The following CSMD1 variants were observed in gnomAD, a reference collection of about 807,000 sequenced individuals.
The protein encoded by CSMD1 is CUB and Sushi multiple domains 1.
In CSMD1, 213 loss-of-function variants were observed where a neutral mutation model predicts 417.5. That is an observed-to-expected ratio of 0.51 (90% CI 0.46 to 0.57). The LOEUF (loss-of-function observed/expected upper bound fraction) is 0.57, where lower values mean the gene tolerates loss of function less well. Among genes scored for constraint, CSMD1 ranks in the 20% least tolerant of loss-of-function variants. The probability of loss-of-function intolerance (pLI) is 0.00; values close to 1 mark genes in which losing one functional copy is unlikely to be tolerated. For synonymous variants in CSMD1, 2,862 were observed against 1,736.8 expected (o/e 1.65, Z -16.11); for missense variants, 6,923 against 4,529.7 (o/e 1.53, Z -15.17).
chr8:3,924,929 T>C (rs1214659787), intron 5 of CSMD1, among the ~76,000 whole-genome samples: 1 of 152,208 alleles, frequency 6.6e-6, no homozygotes, highest in African/African-American at 2.4e-5. Flanking sequence ...TCCTTTATTT[T>C]TTTCTCTCTT....
chr8:4,269,179 T>C (rs7838666), intron 3 of CSMD1, among the ~76,000 whole-genome samples: 98,702 of 151,954 alleles, frequency 0.65, 32,074 homozygotes, highest in South Asian at 0.74. Context: ...GCCTCAGCCC[T>C]CCTAGTAGCT....
chr8:3,392,912 TA>T (rs1563341151), intron 17 of CSMD1, among the ~76,000 whole-genome samples: 1 of 152,066 alleles, frequency 6.6e-6, no homozygotes, highest in East Asian at 1.9e-4. Context: ...GGTTTTATTT[TA>T]AACCCCGCAG....
chr8:4,073,817 T>C (rs1799683825), intron 3 of CSMD1, among the ~76,000 whole-genome samples: 2 of 152,054 alleles, frequency 1.3e-5, no homozygotes, highest in African/African-American at 4.8e-5. Context: ...TATTAATTGG[T>C]TGAAAATTGC....
intron 5 of CSMD1, among the ~76,000 whole-genome samples, chr8:3,995,175 A>G (rs1815106812): frequency 6.6e-6 from 1 of 152,206 alleles, no homozygotes; most frequent in African/African-American, 2.4e-5. Context: ...ATAGGCCTTA[A>G]AAGGGTACTT....
At chr8:4,280,414 A>T (rs954005043) in intron 3 of CSMD1, among the ~76,000 whole-genome samples, 12 of 152,236 alleles carry the variant, frequency 7.9e-5, no homozygotes, top group African/African-American at 2.7e-4. Context: ...TGACAATTAA[A>T]TTTTAGTACC....
intron 5 of CSMD1, among the ~76,000 whole-genome samples, chr8:3,931,777 G>C (rs1297073657): frequency 1.3e-5 from 2 of 148,388 alleles, no homozygotes; most frequent in South Asian, 2.2e-4. Flanking sequence ...GAGCACCTAA[G>C]ACCCCACTAA....
chr8:3,026,314 G>A (rs1455180225), intron 51 of CSMD1, among the ~76,000 whole-genome samples: 3 of 152,214 alleles, frequency 2.0e-5, no homozygotes, highest in Non-Finnish European at 4.4e-5. Context: ...GGTTTGGGAA[G>A]CTGATCTGAA....
At chr8:4,792,319 T>A (rs955175342) in intron 1 of CSMD1, among the ~76,000 whole-genome samples, 1 of 152,192 alleles carries the variant, frequency 6.6e-6, no homozygotes, top group Non-Finnish European at 1.5e-5. Flanking sequence ...GTTCTAAAAT[T>A]CTTAAAGTAG....
chr8:4,191,742 T>TG (rs1200675023), intron 3 of CSMD1, among the ~76,000 whole-genome samples: 4 of 43,494 alleles, frequency 9.2e-5, no homozygotes, highest in Non-Finnish European at 1.4e-4. Context: ...GGAAGGTCAT[T>TG]CCAAAAAAAA....
At chr8:3,926,104 C>CTCACCAT (rs1164083558) in intron 5 of CSMD1, among the ~76,000 whole-genome samples, 1 of 41,648 alleles carries the variant, frequency 2.4e-5, no homozygotes. Flanking sequence ...CACACACACA[C>CTCACCAT]ACACACACAC....
At chr8:4,372,737 G>A (rs372485561) in intron 3 of CSMD1, among the ~76,000 whole-genome samples, 4 of 127,164 alleles carry the variant, frequency 3.1e-5, no homozygotes, top group African/African-American at 1.4e-4. Context: ...CTAGAAAATG[G>A]AGGCAAAAGA....
In CSMD1 at chr8:4,724,562, G is replaced by T. The variant is rs113395724; in HGVS notation, c.86-87004C>A. Among the ~76,000 whole-genome samples, 137 of 142,036 alleles carry T rather than the reference G, an allele frequency of 9.6e-4. 1 individual carries two copies. Among genetic ancestry groups the T allele is most frequent in the African/African-American group, 3.6e-3 (130 of 36,402 alleles). The allele number at this position is 142,036 out of a possible 152,430, so 93.2% of individuals were successfully genotyped here. A position where few individuals can be genotyped will look rare whatever the true frequency, so the allele number is the denominator to read the frequency against. ...TGTGTGTGTGTGTGTGTGTGTGTGT[G>T]TTTATACTCCCAGTGAAATTCTGTT... is the stretch of plus-strand genomic sequence containing the variant. On this transcript the variant is annotated intron_variant, in intron 1 of 69. Transcript: ENST00000635120.
intron 17 of CSMD1, among the ~76,000 whole-genome samples, chr8:3,392,817 G>A (rs569853680): frequency 6.6e-6 from 1 of 152,166 alleles, no homozygotes; most frequent in East Asian, 1.9e-4. Flanking sequence ...CCCTCTGAGT[G>A]GGTTGCGAGC....
intron 2 of CSMD1, among the ~76,000 whole-genome samples, chr8:4,468,572 T>C (rs1320932194): frequency 6.6e-6 from 1 of 152,184 alleles, no homozygotes; most frequent in Non-Finnish European, 1.5e-5. Flanking sequence ...CCTCCTTCCT[T>C]GATTCATCCA....
intron 7 of CSMD1, among the ~76,000 whole-genome samples, chr8:3,651,109 C>G (rs1276858758): frequency 2.0e-5 from 3 of 152,228 alleles, no homozygotes; most frequent in Non-Finnish European, 2.9e-5. Flanking sequence ...TTATCACCAT[C>G]TGTCAGTATC....
chr8:4,815,351 A>G (rs2117356086), intron 1 of CSMD1, among the ~76,000 whole-genome samples: 2 of 152,268 alleles, frequency 1.3e-5, no homozygotes, highest in Middle Eastern at 6.8e-3. Flanking sequence ...CCCACTGTGG[A>G]CAGAGCCAGC....
chr8:3,530,888 C>T (rs1797952849), intron 10 of CSMD1, among the ~76,000 whole-genome samples: 1 of 150,120 alleles, frequency 6.7e-6, no homozygotes, highest in Admixed American at 6.7e-5. Context: ...GATGGAGTCT[C>T]ATTCTGTCAT....
intron 4 of CSMD1, among the ~76,000 whole-genome samples, chr8:4,003,200 T>C (rs550277233): frequency 9.2e-5 from 14 of 152,210 alleles, no homozygotes; most frequent in African/African-American, 2.9e-4. Flanking sequence ...GAGACCATCC[T>C]GGCTAACATG....
At chr8:4,381,461 T>A (rs554930883) in intron 3 of CSMD1, among the ~76,000 whole-genome samples, 1 of 152,172 alleles carries the variant, frequency 6.6e-6, no homozygotes, top group African/African-American at 2.4e-5. Context: ...TGCCGACGTG[T>A]GCTAAAGATC....
Sources: gnomAD v4.1 joint callset for allele counts (sites outside exome capture counted in the v4.1 genomes callset) on GRCh38, gnomAD v4.1.1 for gene constraint, MANE v1.5 for transcripts, NCBI Gene and HGNC (gene_info 2026-07-23, HGNC 2026-07-21) for gene names.